Variants in COL22A1 observed in about 807,000 individuals in gnomAD.
COL22A1 encodes the protein collagen type XXII alpha 1 chain, also known as collagen alpha-1(XXII) chain.
COL22A1 carries 221 observed loss-of-function variants against 248.9 expected under a neutral mutation model. The ratio of observed to expected loss-of-function variants is 0.89; its 90% CI spans 0.80 to 0.99. COL22A1 has a LOEUF of 0.99. Ranked by LOEUF, COL22A1 falls within the 50% of genes least tolerant of loss-of-function variation. The probability of loss-of-function intolerance (pLI) is 0.00; values close to 1 mark genes in which losing one functional copy is unlikely to be tolerated. For synonymous variants in COL22A1, 891 were observed against 793.4 expected (o/e 1.12, Z -2.07); for missense variants, 2,240 against 2,179.0 (o/e 1.03, Z -0.56).
rs568184919 is a variant in COL22A1, at chr8:138,605,285, T to A, written c.4105-516A>T. ...CTCAAGGATTACTGTGAGGTGTCAATGTGTTAGTTCTCCAAAAGCACACTG... is the reference window on the plus strand; with the variant it reads ...CTCAAGGATTACTGTGAGGTGTCAAAGTGTTAGTTCTCCAAAAGCACACTG... On this transcript the variant is annotated intron_variant, in intron 58 of 64. Coordinates refer to ENST00000303045, the MANE Select transcript of COL22A1 (RefSeq NM_152888.3). Among the ~76,000 whole-genome samples, 7 of 152,308 alleles carry A rather than the reference T, an allele frequency of 4.6e-5. No homozygotes were observed. The South Asian group carries it at 1.2e-3, about 27-fold the overall frequency.
At chr8:138,596,083 C>T (rs1817517003) in intron 62 of COL22A1, among the ~76,000 whole-genome samples, 1 of 152,208 alleles carries the variant, frequency 6.6e-6, no homozygotes. Flanking sequence ...ACATGAGCCT[C>T]ATGAGATTGT....
intron 4 of COL22A1, among the ~76,000 whole-genome samples, chr8:138,839,711 G>C (rs1820728057): frequency 6.6e-6 from 1 of 152,188 alleles, no homozygotes; most frequent in African/African-American, 2.4e-5. Context: ...TGATTATCTG[G>C]ATGGGGGGCC....
At chr8:138,663,016 T>TCACACACACACACACACACA (rs6150848) in intron 42 of COL22A1, among the ~76,000 whole-genome samples, 14 of 148,738 alleles carry the variant, frequency 9.4e-5, no homozygotes, top group African/African-American at 3.2e-4. Flanking sequence ...ACTCTGTCAC[T>TCACACACACACACACACACA]CACACACACA....
intron 12 of COL22A1, among the ~76,000 whole-genome samples, chr8:138,786,905 C>A (rs968387330): frequency 4.6e-5 from 7 of 152,070 alleles, no homozygotes; most frequent in African/African-American, 1.7e-4. Flanking sequence ...GAGCTAGACA[C>A]CATCCCAAAA....
chr8:138,618,247 A>C (rs1396127729), intron 53 of COL22A1, among the ~76,000 whole-genome samples: 1 of 152,246 alleles, frequency 6.6e-6, no homozygotes, highest in Non-Finnish European at 1.5e-5. Context: ...ATAAATGACA[A>C]AGTAAAGGCT....
At chr8:138,723,537 CG>C (rs1830064785) in intron 25 of COL22A1, among the ~76,000 whole-genome samples, 1 of 152,150 alleles carries the variant, frequency 6.6e-6, no homozygotes, top group Non-Finnish European at 1.5e-5. Flanking sequence ...ATGTTCACAC[CG>C]ATCTGCATAC....
chr8:138,787,161 G>A (rs1224325220), intron 12 of COL22A1, among the ~76,000 whole-genome samples: 1 of 152,202 alleles, frequency 6.6e-6, no homozygotes, highest in African/African-American at 2.4e-5. Flanking sequence ...TCAGGGAGAA[G>A]AGTGGGGAAA....
chr8:138,660,863 CACAA>C (rs1335308112), intron 43 of COL22A1, among the ~76,000 whole-genome samples: 2 of 116,244 alleles, frequency 1.7e-5, no homozygotes, highest in South Asian at 2.9e-4. Flanking sequence ...TACACAGACA[CACAA>C]ACACACAGAC....
intron 41 of COL22A1, among the ~76,000 whole-genome samples, chr8:138,668,606 T>C (rs1824720034): frequency 6.6e-6 from 1 of 152,242 alleles, no homozygotes; most frequent in South Asian, 2.1e-4. Context: ...TCTCTCAGAA[T>C]TGATCACCTC....
chr8:138,646,703 A>T (rs1345432259), intron 46 of COL22A1, 21 bp from the exon 47 acceptor site: 9 of 1,542,514 alleles, frequency 5.8e-6, no homozygotes, highest in South Asian at 3.7e-5. Flanking sequence ...GATACAAGAA[A>T]AAAAAAGAAA....
At chr8:138,691,428 C>G (rs1826863674) in intron 35 of COL22A1, among the ~76,000 whole-genome samples, 1 of 144,276 alleles carries the variant, frequency 6.9e-6, no homozygotes, top group African/African-American at 2.6e-5. Context: ...TCCATGTGTG[C>G]ACGTTTGTGA....
At position 138,913,404 on chromosome 8, in the gene COL22A1, A is replaced by G. The variant is rs149965834; in HGVS notation, c.-73+215T>C. Among the ~76,000 whole-genome samples the G allele has an allele frequency of 5.8e-3, 880 of 152,218 alleles. 10 individuals are homozygous for G. Among genetic ancestry groups the G allele is most frequent in the African/African-American group, 0.02 (835 of 41,552 alleles). Reference sequence around the variant, plus strand: ...CGCTATTTTACTCTGAAGTTAAGTCAAGACACAGACACATCTGCTTCCAAC... The same window carrying G: ...CGCTATTTTACTCTGAAGTTAAGTCGAGACACAGACACATCTGCTTCCAAC... On this transcript the variant is annotated intron_variant, in intron 1 of 64. Transcript: ENST00000303045.
chr8:138,804,766 GGT>G (rs373389295), intron 10 of COL22A1, among the ~76,000 whole-genome samples: 2,736 of 148,070 alleles, frequency 0.018, 57 homozygotes, highest in African/African-American at 0.062. Context: ...GTGTGTGATG[GGT>G]GTGTGTGTGA....
chr8:138,632,117 G>C (rs1427613899), intron 49 of COL22A1, among the ~76,000 whole-genome samples: 1 of 152,112 alleles, frequency 6.6e-6, no homozygotes, highest in African/African-American at 2.4e-5. Flanking sequence ...ACAGTGAAAG[G>C]CTGGAAATTG....
chr8:138,811,275 A>G (rs1586802930), intron 9 of COL22A1, among the ~76,000 whole-genome samples: 2 of 46,336 alleles, frequency 4.3e-5, no homozygotes, highest in East Asian at 1.7e-3. Flanking sequence ...ATATATATAC[A>G]CACACACACA....
At chr8:138,907,743 C>T (rs1179701134) in intron 1 of COL22A1, among the ~76,000 whole-genome samples, 1 of 152,214 alleles carries the variant, frequency 6.6e-6, no homozygotes, top group African/African-American at 2.4e-5. Context: ...CACAGGCATC[C>T]AGCGAGGGTA....
intron 41 of COL22A1, among the ~76,000 whole-genome samples, chr8:138,666,792 C>T (rs947288300): frequency 2.6e-5 from 4 of 152,160 alleles, no homozygotes; most frequent in Non-Finnish European, 4.4e-5. Context: ...GTTTACCATA[C>T]GAGGCTCCAG....
intron 55 of COL22A1, among the ~76,000 whole-genome samples, chr8:138,615,757 C>A (rs1400914022): frequency 6.6e-6 from 1 of 152,108 alleles, no homozygotes; most frequent in African/African-American, 2.4e-5. Flanking sequence ...ACAGGCCTAT[C>A]ATTTGTACCA....
chr8:138,755,065 C>T, intron 21 of COL22A1, 92 bp downstream of exon 21: 1 of 1,302,784 alleles, frequency 7.7e-7, no homozygotes, highest in Non-Finnish European at 1.1e-6. Flanking sequence ...GAGATAATGC[C>T]ATGCTCAGCG....
Sources: gnomAD v4.1 joint callset for allele counts (sites outside exome capture counted in the v4.1 genomes callset) on GRCh38, gnomAD v4.1.1 for gene constraint, MANE v1.5 for transcripts, NCBI Gene and HGNC (gene_info 2026-07-23, HGNC 2026-07-21) for gene names.